The following B3GALNT1 variants were observed in gnomAD, a reference collection of about 807,000 sequenced individuals.
B3GALNT1 encodes the protein beta-1,3-N-acetylgalactosaminyltransferase 1 (Globoside blood group).
In B3GALNT1, 17 loss-of-function variants were observed where a neutral mutation model predicts 27.3. That is an observed-to-expected ratio of 0.62 (90% CI 0.43 to 0.94). The LOEUF (loss-of-function observed/expected upper bound fraction) is 0.94. Among genes scored for constraint, B3GALNT1 ranks in the 40% least tolerant of loss-of-function variants. The pLI is 0.00. For synonymous variants in B3GALNT1, 141 were observed against 144.0 expected, an observed-to-expected ratio of 0.98 and a Z score of 0.15; for missense variants, 347 against 390.0, an observed-to-expected ratio of 0.89 and a Z score of 0.93.
chr3:161,085,758 G>A lies in B3GALNT1; in HGVS notation c.*1C>T. On this transcript the variant is annotated 3_prime_UTR_variant, in exon 5 of 5. Coordinates refer to ENST00000320474, the MANE Select transcript of B3GALNT1 (RefSeq NM_003781.4). ...TTCTAGGCTTTTTGTAGAATGTGAAGTTAATAATGGCATGTGGTGTTCCTT... is the reference window on the plus strand; with the variant it reads ...TTCTAGGCTTTTTGTAGAATGTGAAATTAATAATGGCATGTGGTGTTCCTT... 1 of 1,614,040 alleles carries A rather than the reference G, an allele frequency of 6.2e-7. No homozygotes were observed. The highest frequency in any genetic ancestry group is 8.5e-7 in the Non-Finnish European group (1 of 1,179,932).
intron 4 of B3GALNT1, among the ~76,000 whole-genome samples, chr3:161,092,032 A>G (rs568176646): frequency 6.6e-6 from 1 of 152,350 alleles, no homozygotes; most frequent in African/African-American, 2.4e-5. Flanking sequence ...TCAGGGTGTC[A>G]CCATTCTAAC....
chr3:161,104,392 C>T lies in B3GALNT1; in HGVS notation c.-294G>A. 1 of 1,284,346 alleles carries T rather than the reference C, an allele frequency of 7.8e-7. No homozygotes were observed. The highest frequency in any genetic ancestry group is 1.0e-6 in the Non-Finnish European group (1 of 985,506). 79.6% of individuals were successfully genotyped at this position (1,284,346 alleles called of 1,614,324 possible). Reference sequence around the variant, plus strand: ...GCTTTTCCCACAACGCAGCCACCTCCTAAACGCAGGCAATCTGTGCAAAAC... The same window carrying T: ...GCTTTTCCCACAACGCAGCCACCTCTTAAACGCAGGCAATCTGTGCAAAAC... On this transcript the variant is annotated 5_prime_UTR_variant, in exon 2 of 5. It removes the in-frame stop codon of an upstream open reading frame in the 5' UTR. Coordinates refer to ENST00000320474, the MANE Select transcript of B3GALNT1 (RefSeq NM_003781.4).
At chr3:161,102,283 T>C (rs1277856572) in intron 3 of B3GALNT1, among the ~76,000 whole-genome samples, 6 of 152,268 alleles carry the variant, frequency 3.9e-5, no homozygotes, top group African/African-American at 2.4e-5. Context: ...CAGAAATACA[T>C]GGGGTGGGAA....
chr3:161,103,528 G>GA lies in B3GALNT1; in HGVS notation c.-220-12dup. The GA allele has an allele frequency of 8.7e-7, 1 of 1,145,914 alleles. No individual in the cohort carries two copies. Among genetic ancestry groups the GA allele is most frequent in the Non-Finnish European group, 1.1e-6 (1 of 870,538 alleles). The allele number at this position is 1,145,914 out of a possible 1,614,324, so 71.0% of individuals were successfully genotyped here. On this transcript the variant is annotated splice_polypyrimidine_tract_variant and intron_variant, in intron 2 of 4. Coordinates refer to ENST00000320474, the MANE Select transcript of B3GALNT1 (RefSeq NM_003781.4). Reference sequence around the variant, plus strand: ...ATCTGTTGTGAACTACTGAACAGAAGAACAGAAAAAAATATATATGAGTCA... The same window carrying GA: ...ATCTGTTGTGAACTACTGAACAGAAGAAACAGAAAAAAATATATATGAGTCA...
chr3:161,104,026 C>G, intron 2 of B3GALNT1: 1 of 232,696 alleles, frequency 4.3e-6, no homozygotes, highest in Non-Finnish European at 8.6e-6. Context: ...CGCGCCCGGC[C>G]TGGATGCTGT....
chr3:161,103,626 A>G (rs2108496602), intron 2 of B3GALNT1, 109 bp from the exon 3 acceptor site: 1 of 278,584 alleles, frequency 3.6e-6, no homozygotes, highest in Non-Finnish European at 6.7e-6. Flanking sequence ...CATTTATTAC[A>G]TATCAACACT....
At position 161,085,904 on chromosome 3, in the gene B3GALNT1, G is replaced by T; in HGVS notation, c.851C>A (p.Pro284Gln). 1 of 1,612,686 alleles carries T rather than the reference G, an allele frequency of 6.2e-7. No homozygotes were observed. Among genetic ancestry groups the T allele is most frequent in the Non-Finnish European group, 8.5e-7 (1 of 1,179,326 alleles). Residue 284 changes from proline to glutamine, a missense_variant, in exon 5 of 5, where the codon CCA becomes CAA. By Grantham distance (76) the Pro-to-Gln change is moderately conservative. Coordinates refer to ENST00000320474, the MANE Select transcript of B3GALNT1 (RefSeq NM_003781.4). Reference sequence around the variant, plus strand: ...TAGAAAGAAAAGATTTGTGTCTTCTGGAATATGAATGTTCACTTTTAATAA... The same window carrying T: ...TAGAAAGAAAAGATTTGTGTCTTCTTGAATATGAATGTTCACTTTTAATAA... ...LNLLKVNIHI[P>Q]EDTNLFFLYR...
chr3:161,092,763 CTTTTTTTTT>C (rs33946641), intron 4 of B3GALNT1, among the ~76,000 whole-genome samples: 6 of 104,870 alleles, frequency 5.7e-5, no homozygotes, highest in Admixed American at 1.1e-4. Context: ...TTTCATTTTT[CTTTTTTTTT>C]TTTTTTTTTT....
At chr3:161,090,957 C>G (rs1435163148) in intron 4 of B3GALNT1, among the ~76,000 whole-genome samples, 1 of 152,128 alleles carries the variant, frequency 6.6e-6, no homozygotes, top group Non-Finnish European at 1.5e-5. Context: ...AGAGAAAAAG[C>G]TCTTCTTTAT....
chr3:161,093,111 G>A (rs1270166337), intron 4 of B3GALNT1, among the ~76,000 whole-genome samples: 1 of 152,148 alleles, frequency 6.6e-6, no homozygotes, highest in African/African-American at 2.4e-5. Context: ...TTATTGTGAG[G>A]TTTAATGGAA....
chr3:161,085,139 T>C lies in B3GALNT1; in HGVS notation c.*620A>G, dbSNP rs1402880590. 1 of 152,504 alleles carries C rather than the reference T, an allele frequency of 6.6e-6. No individual in the cohort carries two copies. Among genetic ancestry groups the C allele is most frequent in the Non-Finnish European group, 1.5e-5 (1 of 68,254 alleles). 9.4% of individuals were successfully genotyped at this position (152,504 alleles called of 1,614,324 possible). On this transcript the variant is annotated 3_prime_UTR_variant, in exon 5 of 5. Coordinates refer to ENST00000320474, the MANE Select transcript of B3GALNT1 (RefSeq NM_003781.4). Reference sequence around the variant, plus strand: ...ATCAGTTAAGTAACTGGAAAATGTTTGCATGTAAAGAATGATTCACTATCC... The same window carrying C: ...ATCAGTTAAGTAACTGGAAAATGTTCGCATGTAAAGAATGATTCACTATCC...
rs565843216 is a variant in B3GALNT1, at chr3:161,084,383, A to G, written c.*1376T>C. Reference sequence around the variant, plus strand: ...ACTGAAGTTGTTTTTCATATAGGACAATCATAAATATGAGTATTACAAGAG... The same window carrying G: ...ACTGAAGTTGTTTTTCATATAGGACGATCATAAATATGAGTATTACAAGAG... On this transcript the variant is annotated 3_prime_UTR_variant, in exon 5 of 5. Coordinates refer to ENST00000320474, the MANE Select transcript of B3GALNT1 (RefSeq NM_003781.4). 1.8e-4 allele frequency: 28 copies of G among 152,348 alleles called. No individual in the cohort carries two copies. In the South Asian group the frequency reaches 5.0e-3, roughly 27 times the overall value. The allele number at this position is 152,348 out of a possible 1,614,324, so 9.4% of individuals were successfully genotyped here. A position where few individuals can be genotyped will look rare whatever the true frequency, so the allele number is the denominator to read the frequency against.
intron 4 of B3GALNT1, among the ~76,000 whole-genome samples, chr3:161,088,997 C>A (rs1723521763): frequency 6.6e-6 from 1 of 152,162 alleles, no homozygotes; most frequent in Admixed American, 6.6e-5. Context: ...AGAGGAGAAA[C>A]TATCTAGTCC....
At chr3:161,089,940 G>A (rs192588617) in intron 4 of B3GALNT1, 775 of 188,594 alleles carry the variant, frequency 4.1e-3, no homozygotes, top group Non-Finnish European at 7.1e-3. Context: ...ATGGTGGTGC[G>A]CACCTGTAGT....
intron 4 of B3GALNT1, among the ~76,000 whole-genome samples, chr3:161,089,569 G>A (rs1470081781): frequency 6.6e-6 from 1 of 152,050 alleles, no homozygotes; most frequent in African/African-American, 2.4e-5. Context: ...ATCACTGAAA[G>A]AACAAATATA....
At chr3:161,104,118 A>T (rs1357776547) in intron 2 of B3GALNT1, 2 of 314,656 alleles carry the variant, frequency 6.4e-6, no homozygotes, top group Non-Finnish European at 1.2e-5. Context: ...ATGAGGGGAA[A>T]AAAGTCATAG....
chr3:161,094,246 T>C (rs1726889875), intron 4 of B3GALNT1, among the ~76,000 whole-genome samples: 1 of 152,212 alleles, frequency 6.6e-6, no homozygotes, highest in Non-Finnish European at 1.5e-5. Context: ...TGAACTTTGA[T>C]ATAAACAGTA....
chr3:161,102,032 TC>T (rs35732253), intron 3 of B3GALNT1, among the ~76,000 whole-genome samples: 1 of 152,152 alleles, frequency 6.6e-6, no homozygotes, highest in African/African-American at 2.4e-5. Context: ...TTAGCAGAAA[TC>T]CATGTTCTAT....
intron 3 of B3GALNT1, 36 bp downstream of exon 3, chr3:161,103,391 T>C: frequency 9.7e-7 from 1 of 1,033,150 alleles, no homozygotes; most frequent in Non-Finnish European, 1.3e-6. Flanking sequence ...TTTAACCAAT[T>C]AGGATAATTT....
Sources: allele counts gnomAD v4.1 joint callset (sites outside exome capture counted in the v4.1 genomes callset), GRCh38; gene constraint gnomAD v4.1.1; transcripts MANE v1.5; gene names NCBI Gene and HGNC (gene_info 2026-07-23, HGNC 2026-07-21).